The following ULK4 variants were observed in gnomAD, a reference collection of about 807,000 sequenced individuals.
ULK4 encodes inactive serine/threonine-protein kinase ULK4.
ULK4 carries 133 observed loss-of-function variants against 160.6 expected under a neutral mutation model. The ratio of observed to expected loss-of-function variants is 0.83; its 90% CI spans 0.72 to 0.96. The LOEUF is 0.96. Among genes scored for constraint, ULK4 ranks in the 40% least tolerant of loss-of-function variants. ULK4 has a pLI of 0.00. For missense variants in ULK4, 1,580 were observed against 1,499.5 expected (o/e 1.05, Z -0.89); for synonymous variants, 534 against 539.8 (o/e 0.99, Z 0.15).
chr3:41,735,103 TAAAGG>T (rs2037982205), intron 22 of ULK4, among the ~76,000 whole-genome samples: 1 of 152,104 alleles, frequency 6.6e-6, no homozygotes, highest in South Asian at 2.1e-4. Flanking sequence ...GGAAATTGTT[TAAAGG>T]AAAGAAATGA....
intron 34 of ULK4, among the ~76,000 whole-genome samples, chr3:41,409,013 T>TAGAGCAAA (rs1379754547): frequency 2.0e-5 from 3 of 152,114 alleles, no homozygotes; most frequent in African/African-American, 7.2e-5. Context: ...CCCAGCACCT[T>TAGAGCAAA]GGGAGGCAAA....
chr3:41,798,580 A>T (rs560770139), intron 20 of ULK4, among the ~76,000 whole-genome samples: 7 of 152,306 alleles, frequency 4.6e-5, no homozygotes, highest in Admixed American at 4.6e-4. Context: ...GCAACATGAA[A>T]GTTATTAGTA....
At position 41,746,966 on chromosome 3, in the gene ULK4, A is replaced by G. The variant is rs556287982; in HGVS notation, c.2321+7395T>C. 6.6e-5 allele frequency among the ~76,000 whole-genome samples: 10 copies of G among 152,122 alleles called. No individual in the cohort carries two copies. The East Asian group carries it at 1.5e-3, about 23-fold the overall frequency. ...TCCACAGGCAAAAACCAAAACCAAAAGAAAACCTCTAACTAAACTTTATAC... is the reference window on the plus strand; with the variant it reads ...TCCACAGGCAAAAACCAAAACCAAAGGAAAACCTCTAACTAAACTTTATAC... On this transcript the variant is annotated intron_variant, in intron 22 of 36. Coordinates refer to ENST00000301831, the MANE Select transcript of ULK4 (RefSeq NM_017886.4).
At chr3:41,845,752 T>C (rs1478190233) in intron 17 of ULK4, among the ~76,000 whole-genome samples, 2 of 152,236 alleles carry the variant, frequency 1.3e-5, no homozygotes, top group Non-Finnish European at 2.9e-5. Context: ...ATTTGTAATA[T>C]AGTTTTGATA....
intron 2 of ULK4, among the ~76,000 whole-genome samples, chr3:41,946,491 C>G (rs1700115438): frequency 6.6e-6 from 1 of 152,200 alleles, no homozygotes; most frequent in South Asian, 2.1e-4. Flanking sequence ...AGTCATTGAA[C>G]TACACACTAC....
chr3:41,459,128 T>C lies in ULK4; in HGVS notation c.3394-3533A>G, dbSNP rs1003930567. On this transcript the variant is annotated intron_variant, in intron 33 of 36. Transcript: ENST00000301831. ...GTGCAGTGGCGTGATCTCGGTTCACTGAAACCTCCGCCTCCCAGGTTCAAA... is the reference window on the plus strand; with the variant it reads ...GTGCAGTGGCGTGATCTCGGTTCACCGAAACCTCCGCCTCCCAGGTTCAAA... 2.8e-4 allele frequency among the ~76,000 whole-genome samples: 42 copies of C among 152,334 alleles called. 1 individual carries two copies. The highest frequency in any genetic ancestry group is 9.9e-4 in the African/African-American group (41 of 41,584).
At chr3:41,875,472 A>G (rs967438445) in intron 17 of ULK4, among the ~76,000 whole-genome samples, 5 of 152,186 alleles carry the variant, frequency 3.3e-5, no homozygotes, top group African/African-American at 1.2e-4. Flanking sequence ...CAAAAAATAA[A>G]AAATAAAAAA....
At chr3:41,898,354 T>C (rs1698239671) in intron 14 of ULK4, 78 bp downstream of exon 14, 3 of 910,582 alleles carry the variant, frequency 3.3e-6, no homozygotes, top group Non-Finnish European at 5.1e-6. Context: ...TTCACATATA[T>C]TCTATTTGCA....
chr3:41,907,998 A>ACTG, intron 11 of ULK4, 57 bp from the exon 12 acceptor site: 2 of 1,312,786 alleles, frequency 1.5e-6, no homozygotes, highest in Non-Finnish European at 2.1e-6. Flanking sequence ...TTCTCTGTTT[A>ACTG]CTGTTTTCTG....
intron 32 of ULK4, among the ~76,000 whole-genome samples, chr3:41,547,711 C>T (rs557661331): frequency 7.9e-5 from 12 of 152,294 alleles, no homozygotes; most frequent in Admixed American, 2.0e-4. Context: ...CCCTGAGGCC[C>T]AATAGCCCCT....
At chr3:41,862,765 G>GTC (rs549887441) in intron 17 of ULK4, among the ~76,000 whole-genome samples, 25,381 of 143,106 alleles carry the variant, frequency 0.18, 2,256 homozygotes, top group African/African-American at 0.22. Context: ...CAGTCAGTCA[G>GTC]TCTCTCTCTC....
intron 27 of ULK4, among the ~76,000 whole-genome samples, chr3:41,695,941 A>G (rs541111942): frequency 1.5e-4 from 23 of 152,330 alleles, no homozygotes; most frequent in African/African-American, 4.1e-4. Flanking sequence ...CCAGAAGACA[A>G]GAGTGTGAGC....
In ULK4 at chr3:41,463,072, A is replaced by C. The variant is rs777473104; in HGVS notation, c.3393+15T>G. On this transcript the variant is annotated intron_variant, in intron 33 of 36. Coordinates refer to ENST00000301831, the MANE Select transcript of ULK4 (RefSeq NM_017886.4). ...GAGTAGGGCTGCTCAAGACACAGGA[A>C]AACAGATCCTCTACCTGCAAAGCCA... is the stretch of plus-strand genomic sequence containing the variant. 1.2e-6 allele frequency: 2 copies of C among 1,611,372 alleles called. No individual in the cohort carries two copies. Among genetic ancestry groups the C allele is most frequent in the African/African-American group, 2.7e-5 (2 of 74,872 alleles).
chr3:41,423,208 A>C (rs2082699840), intron 34 of ULK4, among the ~76,000 whole-genome samples: 2 of 152,182 alleles, frequency 1.3e-5, no homozygotes, highest in Non-Finnish European at 1.5e-5. Flanking sequence ...TGCCAAATGT[A>C]AACAGGGGTT....
intron 17 of ULK4, among the ~76,000 whole-genome samples, chr3:41,867,069 T>C (rs1486570512): frequency 6.6e-6 from 1 of 152,224 alleles, no homozygotes. Context: ...TCTCTTTTAT[T>C]CTTTTCTACC....
chr3:41,901,162 A>C (rs183205419), intron 12 of ULK4, among the ~76,000 whole-genome samples: 7 of 141,916 alleles, frequency 4.9e-5, no homozygotes, highest in Non-Finnish European at 7.6e-5. Context: ...TTTCCATAAC[A>C]GCATGGCTTC....
intron 21 of ULK4, among the ~76,000 whole-genome samples, chr3:41,783,096 A>C (rs1227563981): frequency 6.6e-6 from 1 of 152,118 alleles, no homozygotes; most frequent in Non-Finnish European, 1.5e-5. Flanking sequence ...GTACATGTGT[A>C]TATGTATATA....
intron 17 of ULK4, among the ~76,000 whole-genome samples, chr3:41,852,461 T>C (rs2042239775): frequency 6.6e-6 from 1 of 152,206 alleles, no homozygotes; most frequent in Non-Finnish European, 1.5e-5. Flanking sequence ...TTCTGGTGAA[T>C]AGCAGACAAA....
Position 41,898,477 on chromosome 3 carries a change from G to A in ULK4, c.1303C>T (p.Pro435Ser). 6.3e-7 allele frequency: 1 copy of A among 1,595,204 alleles called. No individual in the cohort carries two copies. Among genetic ancestry groups the A allele is most frequent in the Non-Finnish European group, 8.5e-7 (1 of 1,171,922 alleles). The stretch of plus-strand genomic sequence containing the variant: ...AATATTTTTGCATCAAATTTAACTG[G>A]TGGCTGTTTCATTATCTGTGGTTTA... Reference protein sequence around the residue: ...IDNPKIMKQPPVKFDAKILHL... With the variant: ...IDNPKIMKQPSVKFDAKILHL... The change falls in exon 14 of 37, where the codon CCA (proline) becomes TCA (serine). Residue 435 changes from proline to serine, a missense_variant. Physicochemically the swap from Pro to Ser is moderately conservative, Grantham distance 74. Transcript: ENST00000301831.
Sources: allele counts gnomAD v4.1 joint callset (sites outside exome capture counted in the v4.1 genomes callset), GRCh38; gene constraint gnomAD v4.1.1; transcripts MANE v1.5; gene names NCBI Gene and HGNC (gene_info 2026-07-23, HGNC 2026-07-21).